EXOC4: variants seen among roughly 807,000 people sequenced by gnomAD.
The protein encoded by EXOC4 is SEC8-like 1.
A neutral mutation model predicts 107.2 loss-of-function variants in EXOC4; 71 were observed. That is an observed-to-expected ratio of 0.66 (90% CI 0.55 to 0.81). The LOEUF (loss-of-function observed/expected upper bound fraction) is 0.81. Among genes scored for constraint, EXOC4 ranks in the 30% least tolerant of loss-of-function variants. EXOC4 has a pLI of 0.00. For synonymous variants in EXOC4, 456 were observed against 441.2 expected (o/e 1.03, Z -0.42); for missense variants, 1,108 against 1,189.6 (o/e 0.93, Z 1.01).
At chr7:133,747,941 C>T (rs559598246) in intron 10 of EXOC4, among the ~76,000 whole-genome samples, 31 of 152,260 alleles carry the variant, frequency 2.0e-4, no homozygotes, top group Admixed American at 9.8e-4. Flanking sequence ...ACATCCTGAT[C>T]GAAGATTTGG....
intron 9 of EXOC4, among the ~76,000 whole-genome samples, chr7:133,526,117 A>G (rs1454759866): frequency 6.6e-6 from 1 of 152,192 alleles, no homozygotes; most frequent in Admixed American, 6.5e-5. Flanking sequence ...CAGAAGAGAC[A>G]CTTGGTTGGT....
intron 11 of EXOC4, among the ~76,000 whole-genome samples, chr7:133,851,544 C>G (rs1045299606): frequency 6.6e-6 from 1 of 152,090 alleles, no homozygotes; most frequent in Non-Finnish European, 1.5e-5. Context: ...TTGAGCTGTT[C>G]CTGAATAATA....
intron 2 of EXOC4, among the ~76,000 whole-genome samples, chr7:133,282,062 C>G (rs935319349): frequency 6.6e-6 from 1 of 152,154 alleles, no homozygotes; most frequent in Non-Finnish European, 1.5e-5. Flanking sequence ...AGGCCTGTGT[C>G]CATAAGCCCC....
chr7:133,886,850 T>G (rs1799097116), intron 11 of EXOC4, among the ~76,000 whole-genome samples: 1 of 152,068 alleles, frequency 6.6e-6, no homozygotes, highest in Admixed American at 6.5e-5. Flanking sequence ...AGCCACTGAT[T>G]TGGAAATTGT....
At chr7:133,813,018 G>A (rs1797272878) in intron 10 of EXOC4, among the ~76,000 whole-genome samples, 1 of 152,068 alleles carries the variant, frequency 6.6e-6, no homozygotes, top group African/African-American at 2.4e-5. Flanking sequence ...TTCTGTACAG[G>A]GAGGTCCCTT....
At chr7:133,432,565 C>T (rs1048166675) in intron 7 of EXOC4, among the ~76,000 whole-genome samples, 3 of 152,020 alleles carry the variant, frequency 2.0e-5, no homozygotes, top group Non-Finnish European at 2.9e-5. Context: ...GTCTTGTTTC[C>T]AGTAGGATTT....
intron 14 of EXOC4, among the ~76,000 whole-genome samples, chr7:133,952,920 A>G (rs1470460316): frequency 6.6e-6 from 1 of 152,140 alleles, no homozygotes; most frequent in Non-Finnish European, 1.5e-5. Context: ...GGGTGCTTCC[A>G]TCTTTTGCCT....
intron 10 of EXOC4, among the ~76,000 whole-genome samples, chr7:133,794,005 T>C (rs1044980566): frequency 1.3e-5 from 2 of 152,026 alleles, no homozygotes; most frequent in African/African-American, 4.8e-5. Context: ...CTAAGAACAA[T>C]AAAAATGTCC....
At chr7:133,779,991 C>A (rs554699725) in intron 10 of EXOC4, among the ~76,000 whole-genome samples, 75 of 152,204 alleles carry the variant, frequency 4.9e-4, no homozygotes, top group South Asian at 4.2e-3. Context: ...TTTAAGTCAG[C>A]GAGACTGTGT....
chr7:133,505,499 A>C (rs1339917558), intron 9 of EXOC4, among the ~76,000 whole-genome samples: 3 of 152,146 alleles, frequency 2.0e-5, no homozygotes, highest in Non-Finnish European at 2.9e-5. Flanking sequence ...TCCTGTATTT[A>C]ATGGAAATAT....
intron 9 of EXOC4, among the ~76,000 whole-genome samples, chr7:133,590,217 G>C (rs1459434818): frequency 1.3e-5 from 2 of 152,014 alleles, no homozygotes; most frequent in Non-Finnish European, 2.9e-5. Context: ...TCCTTTCTCT[G>C]CCTCCTGTGT....
chr7:133,764,711 G>A (rs978079545), intron 10 of EXOC4, among the ~76,000 whole-genome samples: 3 of 151,894 alleles, frequency 2.0e-5, no homozygotes, highest in Non-Finnish European at 4.4e-5. Context: ...AAGTATATTG[G>A]GTAACATTTC....
intron 12 of EXOC4, among the ~76,000 whole-genome samples, chr7:133,913,380 TG>T (rs1799738241): frequency 6.6e-6 from 1 of 152,214 alleles, no homozygotes; most frequent in African/African-American, 2.4e-5. Context: ...CTGACTGATG[TG>T]GTGAGTTCAA....
At chr7:133,442,929 G>A (rs1798135902) in intron 7 of EXOC4, among the ~76,000 whole-genome samples, 1 of 152,182 alleles carries the variant, frequency 6.6e-6, no homozygotes, top group Admixed American at 6.5e-5. Context: ...TTGTACTGAA[G>A]GTTGATAAGG....
chr7:133,699,671 G>A (rs184362577), intron 10 of EXOC4, among the ~76,000 whole-genome samples: 9 of 152,196 alleles, frequency 5.9e-5, no homozygotes, highest in South Asian at 2.1e-4. Context: ...GTCTTTCATC[G>A]CATCCTGGCT....
intron 10 of EXOC4, among the ~76,000 whole-genome samples, chr7:133,692,561 T>C (rs912427464): frequency 6.6e-6 from 1 of 152,200 alleles, no homozygotes; most frequent in African/African-American, 2.4e-5. Context: ...TGTTAAACAC[T>C]TCCATCTTAT....
intron 9 of EXOC4, among the ~76,000 whole-genome samples, chr7:133,484,550 A>G (rs1218097853): frequency 2.0e-5 from 3 of 152,208 alleles, no homozygotes; most frequent in Non-Finnish European, 2.9e-5. Flanking sequence ...AAAAAAAACA[A>G]AAACAAAAAA....
chr7:133,429,070 G>C (rs1020069072), intron 7 of EXOC4, among the ~76,000 whole-genome samples: 2 of 152,158 alleles, frequency 1.3e-5, no homozygotes, highest in African/African-American at 4.8e-5. Context: ...TTTGAGAATA[G>C]GGATTGAGGT....
chr7:133,556,434 G>T (rs1430286452), intron 9 of EXOC4, among the ~76,000 whole-genome samples: 2 of 151,990 alleles, frequency 1.3e-5, no homozygotes, highest in East Asian at 3.8e-4. Context: ...TTATTTTAGT[G>T]TTCAGTTCCT....
Sources: gnomAD v4.1 joint callset for allele counts (sites outside exome capture counted in the v4.1 genomes callset) on GRCh38, gnomAD v4.1.1 for gene constraint, MANE v1.5 for transcripts, NCBI Gene and HGNC (gene_info 2026-07-23, HGNC 2026-07-21) for gene names.